CSMD1: variants seen among roughly 807,000 people sequenced by gnomAD.
CSMD1 encodes CUB and sushi domain-containing protein 1.
CSMD1 carries 213 observed loss-of-function variants against 417.5 expected under a neutral mutation model. The observed-to-expected ratio is 0.51, with a 90% CI of 0.46 to 0.57. The LOEUF (loss-of-function observed/expected upper bound fraction) is 0.57. Ranked by LOEUF, CSMD1 falls within the 20% of genes least tolerant of loss-of-function variation. The pLI is 0.00. For missense variants in CSMD1, 6,923 were observed against 4,529.7 expected (o/e 1.53, Z -15.17); for synonymous variants, 2,862 against 1,736.8 (o/e 1.65, Z -16.11).
chr8:4,873,882 C>G (rs776819102), intron 1 of CSMD1, among the ~76,000 whole-genome samples: 23 of 151,896 alleles, frequency 1.5e-4, no homozygotes, highest in Non-Finnish European at 1.2e-4. Flanking sequence ...AGCACTACGG[C>G]TTTTAGACAA....
chr8:4,205,192 A>G (rs998283323), intron 3 of CSMD1, among the ~76,000 whole-genome samples: 3 of 152,252 alleles, frequency 2.0e-5, no homozygotes, highest in African/African-American at 4.8e-5. Flanking sequence ...TCTGATTTAA[A>G]TAATAGCATT....
chr8:4,157,448 C>G (rs951169416), intron 3 of CSMD1, among the ~76,000 whole-genome samples: 1 of 152,092 alleles, frequency 6.6e-6, no homozygotes, highest in African/African-American at 2.4e-5. Flanking sequence ...CCCCTACCTC[C>G]TTCCCTCCCT....
At chr8:4,440,796 G>T (rs755350587) in intron 2 of CSMD1, among the ~76,000 whole-genome samples, 4 of 151,944 alleles carry the variant, frequency 2.6e-5, no homozygotes, top group Admixed American at 2.6e-4. Context: ...AGCAGTTCGG[G>T]ACCAGCCTGG....
intron 37 of CSMD1, among the ~76,000 whole-genome samples, chr8:3,176,219 C>A (rs1053726783): frequency 6.6e-5 from 10 of 152,106 alleles, no homozygotes; most frequent in African/African-American, 2.4e-4. Context: ...AAAATACTTT[C>A]TATTGTAAGC....
chr8:3,102,082 AGT>A (rs1300010716), intron 46 of CSMD1, among the ~76,000 whole-genome samples: 10 of 152,136 alleles, frequency 6.6e-5, no homozygotes, highest in African/African-American at 2.4e-4. Flanking sequence ...GATGGTGATA[AGT>A]TTCAAAGCAC....
chr8:4,678,326 A>C (rs1365593151), intron 1 of CSMD1, among the ~76,000 whole-genome samples: 1 of 151,994 alleles, frequency 6.6e-6, no homozygotes, highest in Non-Finnish European at 1.5e-5. Flanking sequence ...CATGAGAATA[A>C]CCTGAACCCA....
chr8:4,634,597 C>T (rs1802717488), intron 2 of CSMD1, among the ~76,000 whole-genome samples: 1 of 152,178 alleles, frequency 6.6e-6, no homozygotes. Context: ...CATCAATCCT[C>T]CCACAAAAGA....
At chr8:3,859,697 T>C (rs148496904) in intron 5 of CSMD1, among the ~76,000 whole-genome samples, 4 of 152,228 alleles carry the variant, frequency 2.6e-5, no homozygotes, top group African/African-American at 9.6e-5. Context: ...CGTGCCTACA[T>C]AGTGAAGCCT....
intron 3 of CSMD1, among the ~76,000 whole-genome samples, chr8:4,363,867 G>T (rs576555495): frequency 6.6e-6 from 1 of 152,132 alleles, no homozygotes; most frequent in Non-Finnish European, 1.5e-5. Context: ...AGAACTCATG[G>T]ACATAGAGAG....
At chr8:3,943,428 A>C (rs1256008140) in intron 5 of CSMD1, among the ~76,000 whole-genome samples, 1 of 151,368 alleles carries the variant, frequency 6.6e-6, no homozygotes, top group Non-Finnish European at 1.5e-5. Flanking sequence ...TTCATTAAAA[A>C]AAAAAAAACA....
chr8:2,936,121 G>C lies in CSMD1; in HGVS notation c.*2464C>G, dbSNP rs1414913942. ...AGAATTCTCACACGAGAATTTCACT[G>C]ATTTTTTTTTTCATTTAAATAACAT... is the stretch of plus-strand genomic sequence containing the variant. On this transcript the variant is annotated 3_prime_UTR_variant, in exon 70 of 70. Transcript: ENST00000635120. 6.6e-6 allele frequency: 1 copy of C among 151,896 alleles called. No individual in the cohort carries two copies. Among genetic ancestry groups the C allele is most frequent in the East Asian group, 1.9e-4 (1 of 5,166 alleles). The allele number at this position is 151,896 out of a possible 1,614,324, so 9.4% of individuals were successfully genotyped here.
At chr8:2,992,113 C>T (rs577580981) in intron 54 of CSMD1, among the ~76,000 whole-genome samples, 1 of 152,252 alleles carries the variant, frequency 6.6e-6, no homozygotes, top group Non-Finnish European at 1.5e-5. Flanking sequence ...GAAACACATG[C>T]ATGAATAGTA....
intron 49 of CSMD1, among the ~76,000 whole-genome samples, chr8:3,079,757 G>C (rs1412599019): frequency 1.3e-5 from 2 of 152,058 alleles, no homozygotes; most frequent in Non-Finnish European, 2.9e-5. Context: ...AAATGGCTTC[G>C]ATTTTGGAAT....
chr8:4,197,860 C>G (rs191553009), intron 3 of CSMD1, among the ~76,000 whole-genome samples: 157 of 152,248 alleles, frequency 1.0e-3, no homozygotes, highest in African/African-American at 3.6e-3. Flanking sequence ...GCCTGGGCAA[C>G]AGAGTAAGAC....
At chr8:4,391,452 T>C (rs1803844938) in intron 3 of CSMD1, among the ~76,000 whole-genome samples, 2 of 152,098 alleles carry the variant, frequency 1.3e-5, no homozygotes, top group Admixed American at 6.6e-5. Flanking sequence ...AAACAGCTAA[T>C]TATCAGAGTA....
chr8:3,336,723 T>G (rs1208554745), intron 23 of CSMD1, among the ~76,000 whole-genome samples: 1 of 152,158 alleles, frequency 6.6e-6, no homozygotes, highest in Non-Finnish European at 1.5e-5. Flanking sequence ...CCTGCACACC[T>G]AACTTCCTGT....
intron 26 of CSMD1, among the ~76,000 whole-genome samples, chr8:3,254,617 C>T (rs1201957823): frequency 6.6e-6 from 1 of 152,176 alleles, no homozygotes; most frequent in Admixed American, 6.5e-5. Flanking sequence ...TCATTTCATT[C>T]ATTTGATCTT....
intron 1 of CSMD1, among the ~76,000 whole-genome samples, chr8:4,885,381 T>C (rs1057275882): frequency 6.6e-6 from 1 of 152,182 alleles, no homozygotes; most frequent in South Asian, 2.1e-4. Context: ...TGAACAGAAG[T>C]ACCAAAAAGG....
chr8:4,908,489 T>C (rs997431285), intron 1 of CSMD1, among the ~76,000 whole-genome samples: 1 of 152,192 alleles, frequency 6.6e-6, no homozygotes, highest in East Asian at 1.9e-4. Flanking sequence ...AATTTTACGG[T>C]GTACCTTTTG....
Sources: allele counts gnomAD v4.1 joint callset (sites outside exome capture counted in the v4.1 genomes callset), GRCh38; gene constraint gnomAD v4.1.1; transcripts MANE v1.5; gene names NCBI Gene and HGNC (gene_info 2026-07-23, HGNC 2026-07-21).